TNFRSF9: variants seen among roughly 807,000 people sequenced by gnomAD.
TNFRSF9 encodes TNF receptor superfamily member 9.
Under a neutral mutation model 28.8 loss-of-function variants are expected in TNFRSF9, and 16 were observed. The ratio of observed to expected loss-of-function variants is 0.55; its 90% CI spans 0.38 to 0.84. The LOEUF (loss-of-function observed/expected upper bound fraction) is 0.84, where lower values mean the gene tolerates loss of function less well. TNFRSF9 is among the 40% of genes least tolerant of loss of function. TNFRSF9 has a pLI of 0.00. For synonymous variants in TNFRSF9, 131 were observed against 117.0 expected, an observed-to-expected ratio of 1.12 and a Z score of -0.77; for missense variants, 303 against 315.0, an observed-to-expected ratio of 0.96 and a Z score of 0.29.
chr1:7,935,583 T>C (rs1578076747), intron 5 of TNFRSF9, among the ~76,000 whole-genome samples: 1 of 152,182 alleles, frequency 6.6e-6, no homozygotes, highest in African/African-American at 2.4e-5. Flanking sequence ...CTCAACACTT[T>C]GGTAGGCTGA....
intron 7 of TNFRSF9, among the ~76,000 whole-genome samples, chr1:7,926,171 G>T (rs1639647919): frequency 6.6e-6 from 1 of 152,156 alleles, no homozygotes; most frequent in Admixed American, 6.5e-5. Context: ...AAAGTGTTGG[G>T]ATTACAGACA....
At chr1:7,929,157 C>CT (rs1491203940) in intron 7 of TNFRSF9, among the ~76,000 whole-genome samples, 1,292 of 65,406 alleles carry the variant, frequency 0.02, 94 homozygotes, top group Middle Eastern at 0.054. Flanking sequence ...TTTTCTTTTT[C>CT]CTTTTTTTTT....
At chr1:7,940,193 A>T (rs1321550512) in intron 1 of TNFRSF9, 115 bp from the exon 2 acceptor site, 8 of 418,510 alleles carry the variant, frequency 1.9e-5, no homozygotes, top group Non-Finnish European at 3.1e-5. Flanking sequence ...TTCAGGAACA[A>T]TTAATGATGC....
At chr1:7,931,021 A>T (rs1639724931) in intron 7 of TNFRSF9, among the ~76,000 whole-genome samples, 1 of 152,236 alleles carries the variant, frequency 6.6e-6, no homozygotes, top group Non-Finnish European at 1.5e-5. Context: ...AAATAACATG[A>T]AAAGGCGTCT....
Position 7,938,253 on chromosome 1 carries a change from C to T in TNFRSF9, c.286G>A (p.Gly96Arg), listed in dbSNP as rs759034075. The change falls in exon 4 of 8, where the codon GGG (glycine) becomes AGG (arginine). Residue 96 changes from glycine (G) to arginine (R), a missense_variant. Gly to Arg is a moderately radical substitution (Grantham distance 125, BLOSUM62 -2). Transcript: ENST00000377507. Reference protein sequence around the residue: ...CDCTPGFHCLGAGCSMCEQDC... With the variant: ...CDCTPGFHCLRAGCSMCEQDC... ...TGTTCACACATGCTGCATCCTGCCC[C>T]CAGGCAGTGAAACCCTGGAGTGCAG... 1 of 1,608,440 alleles carries T rather than the reference C, an allele frequency of 6.2e-7. No individual in the cohort carries two copies. The highest frequency in any genetic ancestry group is 8.5e-7 in the Non-Finnish European group (1 of 1,177,680).
intron 7 of TNFRSF9, among the ~76,000 whole-genome samples, chr1:7,923,345 C>T (rs1435023620): frequency 2.0e-5 from 3 of 152,242 alleles, no homozygotes; most frequent in Non-Finnish European, 4.4e-5. Context: ...CTCCCCCTCC[C>T]TCCTGGGGTA....
chr1:7,938,153 T>C (rs535166658), intron 4 of TNFRSF9, 40 bp downstream of exon 4: 1 of 1,500,778 alleles, frequency 6.7e-7, no homozygotes, highest in South Asian at 1.3e-5. Context: ...AGTTTGTCTA[T>C]GTCACAAAAC....
intron 7 of TNFRSF9, among the ~76,000 whole-genome samples, chr1:7,929,143 T>C (rs1639695524): frequency 1.9e-5 from 2 of 105,304 alleles, no homozygotes; most frequent in South Asian, 5.1e-4. Context: ...TCAGTTTTTC[T>C]TTTTTTTCTT....
chr1:7,937,959 T>C (rs1351433871), intron 4 of TNFRSF9, among the ~76,000 whole-genome samples: 1 of 152,258 alleles, frequency 6.6e-6, no homozygotes, highest in Non-Finnish European at 1.5e-5. Context: ...ATGTGAAGAT[T>C]AATGGTTCTG....
chr1:7,940,018 T>G lies in TNFRSF9; in HGVS notation c.-24A>C. On this transcript the variant is annotated 5_prime_UTR_variant, in exon 2 of 8. Transcript: ENST00000377507. ...ATGATGAAATCTGGCACAGGTATGA[T>G]ACTAGCAAAGCTGATTCCAAGAGAA... 3.9e-6 allele frequency: 6 copies of G among 1,525,930 alleles called. No individual in the cohort carries two copies. Among genetic ancestry groups the G allele is most frequent in the Non-Finnish European group, 5.4e-6 (6 of 1,105,440 alleles). 94.5% of individuals were successfully genotyped at this position (1,525,930 alleles called of 1,614,324 possible).
At chr1:7,922,622 G>A (rs1490956026) in intron 7 of TNFRSF9, among the ~76,000 whole-genome samples, 2 of 152,074 alleles carry the variant, frequency 1.3e-5, no homozygotes, top group Non-Finnish European at 2.9e-5. Context: ...GACCAGCCTG[G>A]CCAACATGGC....
chr1:7,931,571 T>C (rs1639732007), intron 7 of TNFRSF9, among the ~76,000 whole-genome samples: 1 of 152,186 alleles, frequency 6.6e-6, no homozygotes, highest in East Asian at 1.9e-4. Context: ...AACTGTGTTA[T>C]TAGGTAGCAA....
chr1:7,931,968 A>G (rs778719035), intron 7 of TNFRSF9, among the ~76,000 whole-genome samples: 4 of 152,066 alleles, frequency 2.6e-5, no homozygotes, highest in Non-Finnish European at 5.9e-5. Context: ...ACATGGAGAA[A>G]CCCCGTCTCT....
Position 7,920,162 on chromosome 1 carries a change from A to AT in TNFRSF9, c.*672dup, listed in dbSNP as rs1639536186. 1 of 152,318 alleles carries AT rather than the reference A, an allele frequency of 6.6e-6. No individual in the cohort carries two copies. Among genetic ancestry groups the AT allele is most frequent in the South Asian group, 2.1e-4 (1 of 4,830 alleles). 9.4% of individuals were successfully genotyped at this position (152,318 alleles called of 1,614,324 possible). A position where few individuals can be genotyped will look rare whatever the true frequency, so the allele number is the denominator to read the frequency against. ...CTCGTGGCTTATTGTCATATGTCATATTAGCACCAAAAAACAAACCTGCAT... is the reference window on the plus strand; with the variant it reads ...CTCGTGGCTTATTGTCATATGTCATATTTAGCACCAAAAAACAAACCTGCAT... On this transcript the variant is annotated 3_prime_UTR_variant, in exon 8 of 8. Transcript: ENST00000377507.
intron 2 of TNFRSF9, among the ~76,000 whole-genome samples, chr1:7,939,689 C>T (rs1407839532): frequency 4.6e-5 from 7 of 152,224 alleles, no homozygotes; most frequent in Non-Finnish European, 8.8e-5. Flanking sequence ...CTCTTATTAT[C>T]CCCAGATGAG....
At chr1:7,934,420 T>A (rs1440908244) in intron 6 of TNFRSF9, among the ~76,000 whole-genome samples, 1 of 147,752 alleles carries the variant, frequency 6.8e-6, no homozygotes, top group Non-Finnish European at 1.5e-5. Flanking sequence ...AAAGAAAATA[T>A]GGGACCCTGG....
chr1:7,918,022 C>T lies in TNFRSF9; in HGVS notation c.*2813G>A, dbSNP rs1231732595. 2 of 151,634 alleles carry T rather than the reference C, an allele frequency of 1.3e-5. No homozygotes were observed. The highest frequency in any genetic ancestry group is 1.3e-4 in the Admixed American group (2 of 15,222). 9.4% of individuals were successfully genotyped at this position (151,634 alleles called of 1,614,324 possible). ...TAGATAGGCAGAATTTCACTCTTGT[C>T]ACCCAGTCTGGAGTGCAATGGCACA... On this transcript the variant is annotated 3_prime_UTR_variant, in exon 8 of 8. Transcript: ENST00000377507.
At chr1:7,930,649 G>C (rs577028047) in intron 7 of TNFRSF9, among the ~76,000 whole-genome samples, 1 of 152,192 alleles carries the variant, frequency 6.6e-6, no homozygotes, top group Non-Finnish European at 1.5e-5. Context: ...TGCACCTATA[G>C]TCCCAGCTAT....
intron 7 of TNFRSF9, among the ~76,000 whole-genome samples, chr1:7,932,689 G>C (rs987337734): frequency 6.8e-6 from 1 of 146,996 alleles, no homozygotes; most frequent in African/African-American, 2.6e-5. Context: ...ACGCACGCAC[G>C]CGCACACACA....
Sources: allele counts gnomAD v4.1 joint callset (sites outside exome capture counted in the v4.1 genomes callset), GRCh38; gene constraint gnomAD v4.1.1; transcripts MANE v1.5; gene names NCBI Gene and HGNC (gene_info 2026-07-23, HGNC 2026-07-21).